The following SAXO4 variants were observed in gnomAD, a reference collection of about 807,000 sequenced individuals.
SAXO4 encodes the protein protein phosphatase 1 regulatory subunit 32.
the SAXO4 span, chr11:61,486,917 G>T: frequency 1.3e-6 from 2 of 1,593,550 alleles, no homozygotes; most frequent in Non-Finnish European, 8.6e-7. Context: ...GGCCACCTCA[G>T]CCTCCCTTCT....
chr11:61,489,819 G>A, the SAXO4 span: 2 of 1,614,010 alleles, frequency 1.2e-6, no homozygotes, highest in Non-Finnish European at 1.7e-6. Context: ...AGACCAGGAA[G>A]GCTGGACTCG....
the SAXO4 span, chr11:61,485,916 G>T: frequency 4.4e-6 from 7 of 1,605,432 alleles, no homozygotes; most frequent in South Asian, 6.6e-5. Context: ...GACCCTGTAA[G>T]TCGGCTGGGC....
chr11:61,481,500 G>A, the SAXO4 span, among the ~76,000 whole-genome samples: 5 of 152,212 alleles, frequency 3.3e-5, no homozygotes, highest in Non-Finnish European at 5.9e-5. Context: ...CTATTATGGA[G>A]CAAATCCTTT....
the SAXO4 span, chr11:61,482,750 G>T: frequency 6.2e-7 from 1 of 1,613,782 alleles, no homozygotes. Flanking sequence ...TGGAGCATGC[G>T]CCAGACCAGC....
At chr11:61,482,201 C>T in the SAXO4 span, 1 of 968,452 alleles carries the variant, frequency 1.0e-6, no homozygotes, top group Non-Finnish European at 1.6e-6. Context: ...TGGCTCTGAG[C>T]CCTCCCCTGT....
the SAXO4 span, chr11:61,482,908 GAGCAGCC>G: frequency 7.8e-7 from 1 of 1,283,544 alleles, no homozygotes; most frequent in Non-Finnish European, 1.0e-6. Flanking sequence ...ACAGGGCATG[GAGCAGCC>G]ACCTTGTAGG....
chr11:61,490,788 G>A, the SAXO4 span: 3 of 593,696 alleles, frequency 5.1e-6, no homozygotes. Context: ...CCTTGCTCAG[G>A]CCTCGCCTCT....
chr11:61,488,776 G>T, the SAXO4 span: 1 of 152,666 alleles, frequency 6.6e-6, no homozygotes, highest in Non-Finnish European at 1.5e-5. Flanking sequence ...TGGGTGCCAA[G>T]CCCTGCTCCA....
chr11:61,489,666 C>A, the SAXO4 span: 1 of 1,075,828 alleles, frequency 9.3e-7, no homozygotes. Context: ...TAGACGAGGA[C>A]AGCATGAGCA....
the SAXO4 span, chr11:61,481,731 G>T: frequency 2.6e-6 from 2 of 757,434 alleles, no homozygotes; most frequent in South Asian, 4.6e-5. Flanking sequence ...GCCCCTGTGG[G>T]CTTCCGAGCC....
At chr11:61,484,798 G>C in the SAXO4 span, 1 of 1,601,590 alleles carries the variant, frequency 6.2e-7, no homozygotes, top group Non-Finnish European at 8.5e-7. Flanking sequence ...ACCCGCTGGA[G>C]CGGGAGAACT....
chr11:61,482,924 G>A, the SAXO4 span: 1 of 1,081,104 alleles, frequency 9.2e-7, no homozygotes, highest in Non-Finnish European at 1.3e-6. Flanking sequence ...CCACCTTGTA[G>A]GGATGGGGTC....
the SAXO4 span, chr11:61,487,229 C>A: frequency 1.9e-6 from 3 of 1,613,894 alleles, no homozygotes; most frequent in Non-Finnish European, 2.5e-6. Context: ...ACCTGACCAC[C>A]TACAACCAAG....
chr11:61,484,747 G>T, the SAXO4 span: 1 of 1,613,342 alleles, frequency 6.2e-7, no homozygotes. Flanking sequence ...CGGGGCTGGA[G>T]CCCAGGGAAG....
the SAXO4 span, chr11:61,489,409 C>T: frequency 3.2e-5 from 16 of 506,764 alleles, no homozygotes; most frequent in East Asian, 4.5e-4. Context: ...TCTTACTTGT[C>T]TTTGCACCCT....
At chr11:61,484,586 G>C in the SAXO4 span, 1 of 1,458,036 alleles carries the variant, frequency 6.9e-7, no homozygotes, top group East Asian at 2.5e-5. Context: ...GACCCCCTCT[G>C]GCTGCTCTGC....
chr11:61,482,866 T>G, the SAXO4 span: 1 of 1,499,174 alleles, frequency 6.7e-7, no homozygotes, highest in Non-Finnish European at 8.9e-7. Context: ...GGGCTAGGGC[T>G]GCACTGCCAA....
the SAXO4 span, chr11:61,490,007 C>G: frequency 4.1e-6 from 6 of 1,477,056 alleles, no homozygotes; most frequent in African/African-American, 4.2e-5. Context: ...TGTGCCAGGC[C>G]TTTCCCTTCC....
the SAXO4 span, chr11:61,482,433 G>A: frequency 1.8e-5 from 29 of 1,610,476 alleles, no homozygotes; most frequent in Admixed American, 2.7e-4. Flanking sequence ...CAGGGGGTAC[G>A]GTCTGTATGG....
Sources: allele counts gnomAD v4.1 joint callset (sites outside exome capture counted in the v4.1 genomes callset), GRCh38; gene constraint gnomAD v4.1.1; transcripts MANE v1.5; gene names NCBI Gene and HGNC (gene_info 2026-07-23, HGNC 2026-07-21).